The following MATN1 variants were observed in gnomAD, a reference collection of about 807,000 sequenced individuals.
MATN1 encodes matrilin 1.
A neutral mutation model predicts 41.3 loss-of-function variants in MATN1; 34 were observed. That is an observed-to-expected ratio of 0.82 (90% CI 0.63 to 1.10). The LOEUF (loss-of-function observed/expected upper bound fraction) is 1.10. Ranked by LOEUF, MATN1 falls within the 50% of genes least tolerant of loss-of-function variation. MATN1 has a pLI of 0.00. For synonymous variants in MATN1, 264 were observed against 278.7 expected (o/e 0.95, Z 0.53); for missense variants, 602 against 662.4 (o/e 0.91, Z 1.00).
chr1:30,715,441 T>C (rs1639603250), intron 5 of MATN1, 132 bp from the exon 6 acceptor site: 1 of 772,934 alleles, frequency 1.3e-6, no homozygotes, highest in South Asian at 1.7e-5. Flanking sequence ...GCAAGCACAA[T>C]GCCTGGAACA....
intron 2 of MATN1, 81 bp downstream of exon 2, chr1:30,721,324 C>G: frequency 6.6e-6 from 9 of 1,354,394 alleles, no homozygotes; most frequent in Non-Finnish European, 9.2e-6. Context: ...TCATGGGAAT[C>G]AAAGTGTCTG....
In MATN1 at chr1:30,718,833, C is replaced by T. The variant is rs767639483; in HGVS notation, c.566G>A (p.Arg189Gln). 5.0e-5 allele frequency: 80 copies of T among 1,609,194 alleles called. No individual in the cohort carries two copies. The highest frequency in any genetic ancestry group is 6.7e-5 in the Non-Finnish European group (79 of 1,178,800). ...GVGSVDKATL[R>Q]QIASEPQDEH... ...GTCCTGCGGCTCGCTGGCGATCTGC[C>T]GCAGCGTGGCCTTGTCCACGCTGCC... Residue 189 changes from arginine (R) to glutamine (Q), a missense_variant, in exon 3 of 8, where the codon CGG becomes CAG. Physicochemically the swap from Arg to Gln is conservative, Grantham distance 43 (BLOSUM62 1). Coordinates refer to ENST00000373765, the MANE Select transcript of MATN1 (RefSeq NM_002379.3).
intron 7 of MATN1, 108 bp from the exon 8 acceptor site, chr1:30,713,739 C>T (rs1639582715): frequency 2.4e-6 from 2 of 848,834 alleles, no homozygotes; most frequent in Admixed American, 2.0e-5. Flanking sequence ...GCATTCTCCC[C>T]TCTGTCAGAA....
In MATN1 at chr1:30,716,285, GAC is replaced by G; in HGVS notation, c.829_830del (p.Val277LeufsTer4). 1 of 1,614,100 alleles carries G rather than the reference GAC, an allele frequency of 6.2e-7. No homozygotes were observed. Among genetic ancestry groups the G allele is most frequent in the Non-Finnish European group, 8.5e-7 (1 of 1,180,004 alleles). On this transcript the variant is annotated frameshift_variant, in exon 5 of 8. Transcript: ENST00000373765. LOFTEE classifies it high-confidence loss of function. ...CACTCTTGGATCCGTCAATGAGGAA[GAC>G]CAGGTCAGTGGCCGAGCTGCCACCA... ...GGGGSSATDL[V>X]FLIDGSKSVR... is the part of the protein sequence containing the mutation.
intron 3 of MATN1, 66 bp downstream of exon 3, chr1:30,718,668 TG>T: frequency 9.2e-7 from 1 of 1,086,240 alleles, no homozygotes; most frequent in Non-Finnish European, 1.2e-6. Flanking sequence ...CCTCCAGCCC[TG>T]GCCCCGCCCC....
intron 3 of MATN1, 85 bp downstream of exon 3, chr1:30,718,650 C>A (rs1232899133): frequency 2.2e-6 from 2 of 926,680 alleles, no homozygotes; most frequent in Non-Finnish European, 3.0e-6. Context: ...GCCTCAGCCT[C>A]GGTCCCGCCT....
rs370234769 is a variant in MATN1, at chr1:30,715,957, G to A, written c.1159C>T (p.Arg387Trp). ...QKVGIVFTDG[R>W]SQDYINDAAK... ...GCATCATTAATGTAGTCCTGGCTCC[G>A]GCCATCAGTGAAGACAATGCCCACC... The change falls in exon 5 of 8, where the codon CGG (arginine) becomes TGG (tryptophan). Residue 387 changes from arginine (R) to tryptophan (W), a missense_variant. By Grantham distance (101) the Arg-to-Trp change is moderately radical. Transcript: ENST00000373765. 67 of 1,614,024 alleles carry A rather than the reference G, an allele frequency of 4.2e-5. No individual in the cohort carries two copies. Among genetic ancestry groups the A allele is most frequent in the South Asian group, 7.7e-5 (7 of 91,088 alleles).
At chr1:30,722,139 T>C (rs1639703084) in intron 1 of MATN1, among the ~76,000 whole-genome samples, 1 of 152,194 alleles carries the variant, frequency 6.6e-6, no homozygotes, top group South Asian at 2.1e-4. Flanking sequence ...GAAAACACAT[T>C]TAGGTTTCAG....
Position 30,715,148 on chromosome 1 carries a change from C to A in MATN1, c.1360+9G>T, listed in dbSNP as rs1387830806. ...AAATCCCATCAATGCCAGCCCTGGC[C>A]TCACTCACCCACACAGATCTTCTTC... is the stretch of plus-strand genomic sequence containing the variant. On this transcript the variant is annotated intron_variant, in intron 6 of 7. Transcript: ENST00000373765. The A allele has an allele frequency of 6.2e-7, 1 of 1,613,932 alleles. No individual in the cohort carries two copies. Among genetic ancestry groups the A allele is most frequent in the East Asian group, 2.2e-5 (1 of 44,882 alleles).
intron 2 of MATN1, chr1:30,719,930 A>G (rs925596223): frequency 6.6e-6 from 1 of 152,516 alleles, no homozygotes; most frequent in Non-Finnish European, 1.5e-5. Context: ...AGTGTCTTCA[A>G]CTGTAAAAAG....
chr1:30,719,232 G>A (rs1639666654), intron 2 of MATN1: 3 of 445,664 alleles, frequency 6.7e-6, no homozygotes, highest in Non-Finnish European at 1.2e-5. Flanking sequence ...GGGTCTCTAA[G>A]GTCAGGGCCA....
At chr1:30,718,680 G>C in intron 3 of MATN1, 55 bp downstream of exon 3, 269 of 900,194 alleles carry the variant, frequency 3.0e-4, no homozygotes, top group Middle Eastern at 4.6e-4. Flanking sequence ...GCCCCGCCCC[G>C]CCGCTCTCCC....
Position 30,721,531 on chromosome 1 carries a change from C to G in MATN1, c.315G>C (p.Leu105=). Residue 105 remains leucine (L), a synonymous_variant, in exon 2 of 8, where the codon CTG becomes CTC. Transcript: ENST00000373765. ...GCGGCTGGATACGGCGCACAGCCTG[C>G]AGCAGTGCGGCCTTGGAGACATGAG... ...LRAHVSKAAL[L]QAVRRIQPLS... The G allele has an allele frequency of 6.2e-7, 1 of 1,613,264 alleles. No homozygotes were observed. Among genetic ancestry groups the G allele is most frequent in the East Asian group, 2.2e-5 (1 of 44,880 alleles).
chr1:30,716,662 G>T, intron 4 of MATN1, 128 bp downstream of exon 4: 1 of 1,319,006 alleles, frequency 7.6e-7, no homozygotes, highest in Non-Finnish European at 1.0e-6. Flanking sequence ...AACTCTAAAA[G>T]GCATCTGTCT....
intron 3 of MATN1, 102 bp downstream of exon 3, chr1:30,718,633 C>A (rs1334888445): frequency 3.8e-6 from 2 of 524,944 alleles, no homozygotes; most frequent in South Asian, 3.5e-5. Flanking sequence ...GCGCTGGCTC[C>A]GTCTGCGCCT....
In MATN1 at chr1:30,711,815, G is replaced by C. The variant is rs965791702; in HGVS notation, c.*1767C>G. On this transcript the variant is annotated 3_prime_UTR_variant, in exon 8 of 8. Coordinates refer to ENST00000373765, the MANE Select transcript of MATN1 (RefSeq NM_002379.3). ...CCTGTGTGGGGAGGAGAGGGGAGTG[G>C]ATAATCTCAGAAGAAAGGAAGAATG... The C allele has an allele frequency of 6.6e-6, 1 of 152,238 alleles. No homozygotes were observed. The highest frequency in any genetic ancestry group is 2.4e-5 in the African/African-American group (1 of 41,448). 9.4% of individuals were successfully genotyped at this position (152,238 alleles called of 1,614,324 possible). A position where few individuals can be genotyped will look rare whatever the true frequency, so the allele number is the denominator to read the frequency against.
chr1:30,721,624 C>A lies in MATN1; in HGVS notation c.222G>T (p.Gly74=), dbSNP rs1309476488. 6.2e-7 allele frequency: 1 copy of A among 1,613,528 alleles called. No homozygotes were observed. The highest frequency in any genetic ancestry group is 8.5e-7 in the Non-Finnish European group (1 of 1,180,040). The part of the protein sequence containing the change: ...LSQVIESLDV[G]PNATRVGMVN... Reference sequence around the variant, plus strand: ...CCATGCCCACCCGGGTGGCATTGGGCCCCACGTCCAGCGACTCGATGACCT... The same window carrying A: ...CCATGCCCACCCGGGTGGCATTGGGACCCACGTCCAGCGACTCGATGACCT... Residue 74 remains glycine, a synonymous_variant, in exon 2 of 8, where the codon GGG becomes GGT. Transcript: ENST00000373765.
Position 30,715,942 on chromosome 1 carries a change from T to C in MATN1, c.1174A>G (p.Ile392Val), listed in dbSNP as rs1569827847. ...VFTDGRSQDY[I>V]NDAAKKAKDL... is the part of the protein sequence containing the mutation. ...TTGGCCTTCTTGGCAGCATCATTAA[T>C]GTAGTCCTGGCTCCGGCCATCAGTG... The change falls in exon 5 of 8, where the codon ATT (isoleucine) becomes GTT (valine). Residue 392 changes from isoleucine (I) to valine (V), a missense_variant. By Grantham distance (29) the Ile-to-Val change is conservative (BLOSUM62 3). Coordinates refer to ENST00000373765, the MANE Select transcript of MATN1 (RefSeq NM_002379.3). 6.2e-7 allele frequency: 1 copy of C among 1,614,054 alleles called. No individual in the cohort carries two copies. The highest frequency in any genetic ancestry group is 1.1e-5 in the South Asian group (1 of 91,092).
rs1229777968 is a variant in MATN1, at chr1:30,711,620, C to A, written c.*1962G>T. On this transcript the variant is annotated 3_prime_UTR_variant, in exon 8 of 8. Coordinates refer to ENST00000373765, the MANE Select transcript of MATN1 (RefSeq NM_002379.3). Reference sequence around the variant, plus strand: ...GGCAGGGAAGAACGAGGTCCTATTCCCAGGCAGGGCTTCCACCCCATCTCT... The same window carrying A: ...GGCAGGGAAGAACGAGGTCCTATTCACAGGCAGGGCTTCCACCCCATCTCT... The A allele has an allele frequency of 6.6e-6, 1 of 152,248 alleles. No individual in the cohort carries two copies. Among genetic ancestry groups the A allele is most frequent in the Non-Finnish European group, 1.5e-5 (1 of 68,082 alleles). The allele number at this position is 152,248 out of a possible 1,614,324, so 9.4% of individuals were successfully genotyped here. A position where few individuals can be genotyped will look rare whatever the true frequency, so the allele number is the denominator to read the frequency against.
Sources: gnomAD v4.1 joint callset for allele counts (sites outside exome capture counted in the v4.1 genomes callset) on GRCh38, gnomAD v4.1.1 for gene constraint, MANE v1.5 for transcripts, NCBI Gene and HGNC (gene_info 2026-07-23, HGNC 2026-07-21) for gene names.